MRPL1: variants seen among roughly 807,000 people sequenced by gnomAD.
MRPL1 encodes the protein large ribosomal subunit protein uL1m.
In MRPL1, 28 loss-of-function variants were observed where a neutral mutation model predicts 38.0. The observed-to-expected ratio is 0.74, with a 90% CI of 0.55 to 1.01. MRPL1 has a LOEUF of 1.01. MRPL1 is among the 50% of genes least tolerant of loss of function. MRPL1 has a pLI of 0.00. For synonymous variants in MRPL1, 123 were observed against 126.7 expected (o/e 0.97, Z 0.20); for missense variants, 358 against 389.8 (o/e 0.92, Z 0.69).
chr4:77,890,141 T>G (rs1735773919), intron 5 of MRPL1, among the ~76,000 whole-genome samples: 1 of 152,310 alleles, frequency 6.6e-6, no homozygotes, highest in South Asian at 2.1e-4. Context: ...GAGGCCAGCA[T>G]CATCCTGATA....
chr4:77,913,237 T>C (rs1736332574), intron 7 of MRPL1, among the ~76,000 whole-genome samples: 1 of 151,920 alleles, frequency 6.6e-6, no homozygotes, highest in Non-Finnish European at 1.5e-5. Context: ...AAAAGACAAA[T>C]TACAGACTGG....
At chr4:77,873,899 T>C (rs1251814996) in intron 2 of MRPL1, among the ~76,000 whole-genome samples, 1 of 152,212 alleles carries the variant, frequency 6.6e-6, no homozygotes, top group Non-Finnish European at 1.5e-5. Context: ...CCCCATCCTT[T>C]AGCCCTTTGT....
At chr4:77,948,888 A>G (rs1375000580) in intron 7 of MRPL1, among the ~76,000 whole-genome samples, 2 of 151,418 alleles carry the variant, frequency 1.3e-5, no homozygotes, top group East Asian at 3.9e-4. Context: ...CTCCTGCCTC[A>G]GCCTCCCGAG....
intron 5 of MRPL1, among the ~76,000 whole-genome samples, chr4:77,891,278 A>G (rs190299339): frequency 7.1e-5 from 10 of 140,584 alleles, no homozygotes; most frequent in Non-Finnish European, 1.1e-4. Flanking sequence ...ACAGCTTTCT[A>G]TTTTCTTCTT....
At chr4:77,895,452 G>T (rs900917595) in intron 6 of MRPL1, among the ~76,000 whole-genome samples, 5 of 152,010 alleles carry the variant, frequency 3.3e-5, no homozygotes, top group African/African-American at 1.2e-4. Flanking sequence ...TGGAAACAGG[G>T]AGTACAATTG....
chr4:77,942,227 G>A (rs1040400290), intron 7 of MRPL1, among the ~76,000 whole-genome samples: 24 of 152,092 alleles, frequency 1.6e-4, no homozygotes, highest in African/African-American at 4.8e-4. Context: ...GTCTGAGACA[G>A]TACTTGATAT....
At position 77,883,344 on chromosome 4, in the gene MRPL1, T is replaced by G. The variant is rs1735592995; in HGVS notation, c.246T>G (p.Pro82=). ...CATATCCCTATATGGAAGGCGAACC[T>G]GAGGATGATGTCTATTTAAAACGCT... ...IKAYPYMEGE[P]EDDVYLKRLY... is the part of the protein sequence containing the mutation. The change falls in exon 3 of 9, where the codon CCT becomes CCG. Residue 82 remains proline, a synonymous_variant. Coordinates refer to ENST00000315567, the MANE Select transcript of MRPL1 (RefSeq NM_020236.4). 1 of 1,613,648 alleles carries G rather than the reference T, an allele frequency of 6.2e-7. No homozygotes were observed. The highest frequency in any genetic ancestry group is 1.1e-5 in the South Asian group (1 of 91,008).
In MRPL1 at chr4:77,862,831, C is replaced by G. The variant is rs770948412; in HGVS notation, c.-18C>G. 2 of 1,614,066 alleles carry G rather than the reference C, an allele frequency of 1.2e-6. No individual in the cohort carries two copies. Among genetic ancestry groups the G allele is most frequent in the Non-Finnish European group, 1.7e-6 (2 of 1,179,976 alleles). ...AAACGTAGGAACAATTTCGTGAACG[C>G]AATCCGGAGTGCCCAACATGGCGGC... On this transcript the variant is annotated 5_prime_UTR_variant, in exon 1 of 9. Transcript: ENST00000315567.
intron 7 of MRPL1, among the ~76,000 whole-genome samples, chr4:77,947,910 A>T (rs1252626614): frequency 6.6e-6 from 1 of 152,184 alleles, no homozygotes; most frequent in East Asian, 1.9e-4. Flanking sequence ...AAAAGTATAA[A>T]CTGTGTTTTA....
chr4:77,951,734 C>T (rs1020021105), intron 8 of MRPL1, among the ~76,000 whole-genome samples: 22 of 152,140 alleles, frequency 1.4e-4, no homozygotes, highest in African/African-American at 3.6e-4. Context: ...CTGGGTACTT[C>T]GGTTTCCTCC....
At chr4:77,951,275 G>A (rs771863926) in intron 8 of MRPL1, among the ~76,000 whole-genome samples, 1 of 152,216 alleles carries the variant, frequency 6.6e-6, no homozygotes, top group Non-Finnish European at 1.5e-5. Context: ...GGTAGCATCT[G>A]TGCTGACTGT....
intron 7 of MRPL1, 74 bp downstream of exon 7, chr4:77,909,446 T>C: frequency 1.1e-6 from 1 of 932,818 alleles, no homozygotes. Flanking sequence ...TTTATAATAT[T>C]ATAAAATGCC....
At chr4:77,906,307 G>T (rs1228251424) in intron 6 of MRPL1, among the ~76,000 whole-genome samples, 2 of 152,124 alleles carry the variant, frequency 1.3e-5, no homozygotes, top group Non-Finnish European at 2.9e-5. Flanking sequence ...ATTTGCCAAT[G>T]TGAAGGTTAC....
intron 8 of MRPL1, 98 bp from the exon 9 acceptor site, chr4:77,952,391 A>G (rs942902798): frequency 8.3e-6 from 7 of 840,340 alleles, no homozygotes; most frequent in Non-Finnish European, 1.2e-5. Context: ...GCAGTTTCCA[A>G]GAACCTAGTG....
chr4:77,893,580 CTA>C (rs149279945), intron 5 of MRPL1, among the ~76,000 whole-genome samples: 3,159 of 152,090 alleles, frequency 0.021, 110 homozygotes, highest in African/African-American at 0.071. Context: ...GGATAATAAA[CTA>C]TAAGTGAACT....
At chr4:77,918,741 GA>G (rs1736485943) in intron 7 of MRPL1, among the ~76,000 whole-genome samples, 1 of 152,170 alleles carries the variant, frequency 6.6e-6, no homozygotes, top group South Asian at 2.1e-4. Flanking sequence ...AAAGGAATAA[GA>G]AAATAGAAGG....
chr4:77,943,070 G>T (rs976662390), intron 7 of MRPL1, among the ~76,000 whole-genome samples: 1 of 152,082 alleles, frequency 6.6e-6, no homozygotes, highest in Non-Finnish European at 1.5e-5. Flanking sequence ...GTAGTGCTGG[G>T]TTGGTAGTGG....
intron 7 of MRPL1, among the ~76,000 whole-genome samples, chr4:77,933,651 G>T (rs1457954722): frequency 1.3e-5 from 2 of 152,152 alleles, no homozygotes; most frequent in Non-Finnish European, 2.9e-5. Context: ...AGTAACAAAA[G>T]ATCTAACTTT....
chr4:77,922,070 T>C (rs1407106159), intron 7 of MRPL1, among the ~76,000 whole-genome samples: 1 of 152,164 alleles, frequency 6.6e-6, no homozygotes, highest in Admixed American at 6.5e-5. Flanking sequence ...AAGGTAGATA[T>C]CTGTTGATAG....
Sources: gnomAD v4.1 joint callset for allele counts (sites outside exome capture counted in the v4.1 genomes callset) on GRCh38, gnomAD v4.1.1 for gene constraint, MANE v1.5 for transcripts, NCBI Gene and HGNC (gene_info 2026-07-23, HGNC 2026-07-21) for gene names.